RBM38: variants seen among roughly 807,000 people sequenced by gnomAD.
RBM38 encodes the protein RNA-binding protein 38.
A neutral mutation model predicts 23.5 loss-of-function variants in RBM38; 11 were observed. The ratio of observed to expected loss-of-function variants is 0.47; its 90% CI spans 0.29 to 0.77. The LOEUF is 0.77. RBM38 is among the 30% of genes least tolerant of loss of function. The pLI is 0.08. For missense variants in RBM38, 330 were observed against 351.9 expected, an observed-to-expected ratio of 0.94 and a Z score of 0.50; for synonymous variants, 165 against 166.1, an observed-to-expected ratio of 0.99 and a Z score of 0.05.
At position 57,391,527 on chromosome 20, in the gene RBM38, C is replaced by G. The variant is rs554855667; in HGVS notation, c.-55C>G. 1.0e-4 allele frequency: 57 copies of G among 551,410 alleles called. No individual in the cohort carries two copies. The East Asian group carries it at 7.1e-3, about 68-fold the overall frequency. 34.2% of individuals were successfully genotyped at this position (551,410 alleles called of 1,614,324 possible). On this transcript the variant is annotated 5_prime_UTR_variant, in exon 1 of 4. Transcript: ENST00000356208. The stretch of plus-strand genomic sequence containing the variant: ...CGCTGCCCCGCGCGCTCCCCGCCGC[C>G]CCCCATGAGCGCAGCCCCGCGCGGC...
intron 3 of RBM38, among the ~76,000 whole-genome samples, chr20:57,401,488 G>T (rs148833742): frequency 6.6e-6 from 1 of 152,210 alleles, no homozygotes; most frequent in Non-Finnish European, 1.5e-5. Flanking sequence ...GCCATTCCAC[G>T]GGGGGGCTCT....
Position 57,391,778 on chromosome 20 carries a change from T to C in RBM38, c.197T>C (p.Ile66Thr). Residue 66 changes from isoleucine (I) to threonine (T), a missense_variant, in exon 1 of 4, where the codon ATC (isoleucine) becomes ACC (threonine). Ile to Thr is a moderately conservative substitution (Grantham distance 89). This residue lies in a region of RBM38 where 95 missense variants were observed against 111.9 expected (regional missense o/e 0.85). Coordinates refer to ENST00000356208, the MANE Select transcript of RBM38 (RefSeq NM_017495.6). ...GFGDIEEAVV[I>T]TDRQTGKSRG... ...GGCGACATCGAGGAGGCCGTGGTCA[T>C]CACCGACCGCCAGACGGGCAAGTCC... The C allele has an allele frequency of 1.3e-6, 2 of 1,569,588 alleles. No homozygotes were observed. The highest frequency in any genetic ancestry group is 1.4e-5 in the African/African-American group (1 of 71,912).
At chr20:57,393,221 G>T (rs2067239089) in intron 2 of RBM38, 58 bp from the exon 3 acceptor site, 4 of 1,532,426 alleles carry the variant, frequency 2.6e-6, no homozygotes, top group Non-Finnish European at 3.6e-6. Flanking sequence ...CCTGTGTGCA[G>T]CCCTTGAGAC....
chr20:57,393,158 G>A, intron 2 of RBM38, 121 bp from the exon 3 acceptor site: 2 of 970,358 alleles, frequency 2.1e-6, no homozygotes, highest in Non-Finnish European at 1.7e-6. Flanking sequence ...GAGGGGAGAG[G>A]AAGCGGATGA....
intron 3 of RBM38, among the ~76,000 whole-genome samples, chr20:57,404,648 T>C (rs1318461023): frequency 3.3e-5 from 5 of 152,196 alleles, no homozygotes; most frequent in Admixed American, 3.3e-4. Context: ...ACCGGGCCTT[T>C]GTTCCGTCAG....
intron 3 of RBM38, among the ~76,000 whole-genome samples, chr20:57,405,225 T>C (rs1568813619): frequency 6.6e-6 from 1 of 152,200 alleles, no homozygotes; most frequent in African/African-American, 2.4e-5. Context: ...GGTTGGTGCA[T>C]TTTGGTGCCT....
At chr20:57,399,470 GGAAA>G (rs1454623470) in intron 3 of RBM38, among the ~76,000 whole-genome samples, 16 of 152,164 alleles carry the variant, frequency 1.1e-4, no homozygotes, top group Non-Finnish European at 1.9e-4. Context: ...AAAGAACCTG[GGAAA>G]GAAAGAGGAG....
At chr20:57,392,884 G>C in intron 2 of RBM38, 107 bp downstream of exon 2, 1 of 1,456,490 alleles carries the variant, frequency 6.9e-7, no homozygotes. Flanking sequence ...AGTGGCAGTC[G>C]GCTATCATGT....
rs1293599713 is a variant in RBM38, at chr20:57,408,623, C to T, written c.*777C>T. The T allele has an allele frequency of 1.3e-5, 2 of 152,194 alleles. No individual in the cohort carries two copies. The highest frequency in any genetic ancestry group is 2.9e-5 in the Non-Finnish European group (2 of 68,078). The allele number at this position is 152,194 out of a possible 1,614,324, so 9.4% of individuals were successfully genotyped here. A position where few individuals can be genotyped will look rare whatever the true frequency, so the allele number is the denominator to read the frequency against. ...GAGAGACTTGCTTTTGTTGGTTCCG[C>T]CCGTGGAGACGACGATAGTGTTTCT... is the stretch of plus-strand genomic sequence containing the variant. On this transcript the variant is annotated 3_prime_UTR_variant, in exon 4 of 4. Coordinates refer to ENST00000356208, the MANE Select transcript of RBM38 (RefSeq NM_017495.6).
At chr20:57,404,136 G>A (rs1259543417) in intron 3 of RBM38, among the ~76,000 whole-genome samples, 1 of 152,212 alleles carries the variant, frequency 6.6e-6, no homozygotes, top group Non-Finnish European at 1.5e-5. Context: ...CGATGATGTG[G>A]GGCATCAGAA....
At chr20:57,393,143 C>G in intron 2 of RBM38, 136 bp from the exon 3 acceptor site, 1 of 867,746 alleles carries the variant, frequency 1.2e-6, no homozygotes, top group Non-Finnish European at 1.9e-6. Flanking sequence ...AAGGGGGAGG[C>G]CTGGGAGGGG....
At chr20:57,398,249 CGTGTGT>C (rs3067272) in intron 3 of RBM38, among the ~76,000 whole-genome samples, 213 of 149,104 alleles carry the variant, frequency 1.4e-3, no homozygotes, top group Middle Eastern at 6.9e-3. Context: ...CAGGTGATGG[CGTGTGT>C]GTGTGTGTGT....
At chr20:57,405,619 G>T (rs1385423138) in intron 3 of RBM38, among the ~76,000 whole-genome samples, 2 of 152,346 alleles carry the variant, frequency 1.3e-5, no homozygotes, top group South Asian at 2.1e-4. Context: ...CAGATGGGGT[G>T]GGGGGAGCAA....
intron 3 of RBM38, among the ~76,000 whole-genome samples, chr20:57,401,679 CCT>C (rs1448291728): frequency 6.6e-6 from 1 of 152,140 alleles, no homozygotes; most frequent in Non-Finnish European, 1.5e-5. Context: ...TGGGTGGACC[CCT>C]GAGGGGTGAG....
At position 57,393,000 on chromosome 20, in the gene RBM38, C is replaced by G; in HGVS notation, c.361+223C>G. On this transcript the variant is annotated intron_variant, in intron 2 of 3. Coordinates refer to ENST00000356208, the MANE Select transcript of RBM38 (RefSeq NM_017495.6). Reference sequence around the variant, plus strand: ...GGCGGGGGGCAGGGAGGGTACTGCACCCCAGTTGCCAGCTGTCCTCGCAGG... The same window carrying G: ...GGCGGGGGGCAGGGAGGGTACTGCAGCCCAGTTGCCAGCTGTCCTCGCAGG... 3 of 694,284 alleles carry G rather than the reference C, an allele frequency of 4.3e-6. No homozygotes were observed. The South Asian group carries it at 5.7e-5, about 13-fold the overall frequency. 43.0% of individuals were successfully genotyped at this position (694,284 alleles called of 1,614,324 possible).
In RBM38 at chr20:57,408,449, C is replaced by A. The variant is rs8126441; in HGVS notation, c.*603C>A. Reference sequence around the variant, plus strand: ...CACAGGGGCCGCCGGTAACAGGGGCCGCCGGCCAAAGGCCCCTTTCCAGTC... The same window carrying A: ...CACAGGGGCCGCCGGTAACAGGGGCAGCCGGCCAAAGGCCCCTTTCCAGTC... On this transcript the variant is annotated 3_prime_UTR_variant, in exon 4 of 4. Coordinates refer to ENST00000356208, the MANE Select transcript of RBM38 (RefSeq NM_017495.6). 0.027 allele frequency: 4,116 copies of A among 154,202 alleles called. 190 individuals are homozygous for A. The highest frequency in any genetic ancestry group is 0.093 in the African/African-American group (3,878 of 41,584). The allele number at this position is 154,202 out of a possible 1,614,324, so 9.6% of individuals were successfully genotyped here. A position where few individuals can be genotyped will look rare whatever the true frequency, so the allele number is the denominator to read the frequency against.
chr20:57,394,031 G>T (rs2067248253), intron 3 of RBM38, among the ~76,000 whole-genome samples: 1 of 152,040 alleles, frequency 6.6e-6, no homozygotes, highest in South Asian at 2.1e-4. Flanking sequence ...CTGCCTTGCG[G>T]CCTGCCTCCC....
At chr20:57,392,431 A>G in intron 1 of RBM38, 1 of 1,529,420 alleles carries the variant, frequency 6.5e-7, no homozygotes, top group Non-Finnish European at 8.7e-7. Flanking sequence ...CACATTTCCC[A>G]GGCCTTGAAC....
intron 3 of RBM38, 100 bp downstream of exon 3, chr20:57,393,433 T>G (rs1600743576): frequency 7.7e-7 from 1 of 1,294,946 alleles, no homozygotes; most frequent in Non-Finnish European, 1.1e-6. Flanking sequence ...ATGACAGTTT[T>G]CAGACATTTG....
Sources: gnomAD v4.1 joint callset for allele counts (sites outside exome capture counted in the v4.1 genomes callset) on GRCh38, gnomAD v4.1.1 for gene constraint, gnomAD v4.1.1 regional missense constraint, MANE v1.5 for transcripts, NCBI Gene and HGNC (gene_info 2026-07-23, HGNC 2026-07-21) for gene names.